Variants in COL14A1 observed in about 807,000 individuals in gnomAD.
COL14A1 encodes collagen type XIV alpha 1 chain.
In COL14A1, 136 loss-of-function variants were observed where a neutral mutation model predicts 230.3. That is an observed-to-expected ratio of 0.59 (90% CI 0.51 to 0.68). The LOEUF is 0.68. COL14A1 is among the 30% of genes least tolerant of loss of function. The probability of loss-of-function intolerance (pLI) is 0.00; values close to 1 mark genes in which losing one functional copy is unlikely to be tolerated. For synonymous variants in COL14A1, 792 were observed against 784.1 expected (o/e 1.01, Z -0.17); for missense variants, 1,976 against 2,215.8 (o/e 0.89, Z 2.17).
chr8:120,327,052 A>G (rs1821698172), intron 40 of COL14A1, among the ~76,000 whole-genome samples: 1 of 152,060 alleles, frequency 6.6e-6, no homozygotes, highest in South Asian at 2.1e-4. Context: ...CAAAAACAAA[A>G]ACCCACCTTT....
chr8:120,310,464 C>T (rs1322835729), intron 37 of COL14A1, among the ~76,000 whole-genome samples: 1 of 152,212 alleles, frequency 6.6e-6, no homozygotes, highest in Non-Finnish European at 1.5e-5. Flanking sequence ...TCCTCCTCCA[C>T]TGCACTATAT....
In COL14A1 at chr8:120,192,394, A is replaced by G. The variant is rs1366009901; in HGVS notation, c.437-4397A>G. ...TGGCCCCCACTCTCTTCTGGCTTGTAGAGTTTCTGCCGAGAGATCCACTGT... is the reference window on the plus strand; with the variant it reads ...TGGCCCCCACTCTCTTCTGGCTTGTGGAGTTTCTGCCGAGAGATCCACTGT... On this transcript the variant is annotated intron_variant, in intron 5 of 47. Coordinates refer to ENST00000297848, the MANE Select transcript of COL14A1 (RefSeq NM_021110.4). Among the ~76,000 whole-genome samples the G allele has an allele frequency of 2.0e-5, 3 of 152,250 alleles. No individual in the cohort carries two copies. The East Asian group carries it at 5.8e-4, about 29-fold the overall frequency.
At chr8:120,211,261 A>T (rs924702904) in intron 12 of COL14A1, among the ~76,000 whole-genome samples, 5 of 152,202 alleles carry the variant, frequency 3.3e-5, no homozygotes, top group Non-Finnish European at 7.3e-5. Flanking sequence ...TTAATAGAGG[A>T]ATGGAAAATA....
At chr8:120,217,653 T>C (rs1168464551) in intron 14 of COL14A1, among the ~76,000 whole-genome samples, 1 of 152,128 alleles carries the variant, frequency 6.6e-6, no homozygotes, top group African/African-American at 2.4e-5. Context: ...ATTAAACCTT[T>C]GTAAATCTTG....
intron 14 of COL14A1, among the ~76,000 whole-genome samples, chr8:120,223,895 A>G (rs1818008650): frequency 6.6e-6 from 1 of 151,960 alleles, no homozygotes; most frequent in South Asian, 2.1e-4. Flanking sequence ...TGGGCCCCAT[A>G]TATGTGGTCT....
At chr8:120,343,908 A>G (rs1192230127) in intron 44 of COL14A1, among the ~76,000 whole-genome samples, 1 of 152,202 alleles carries the variant, frequency 6.6e-6, no homozygotes, top group African/African-American at 2.4e-5. Context: ...ACTATGACTC[A>G]CTGACCACTA....
rs199742496 is a variant in COL14A1 at position 120,280,905 on chromosome 8, T to TC, written c.3686-16_3686-15insC. ...TCCTTATGTTTATTCTTTTTCTACT[T>TC]TTTTTTTTTTTTTAGGATTTAAGAT... On this transcript the variant is annotated splice_polypyrimidine_tract_variant and intron_variant, in intron 30 of 47. Transcript: ENST00000297848. The TC allele has an allele frequency of 0.08, 30,338 of 380,256 alleles. 59 individuals are homozygous for TC. Among genetic ancestry groups the TC allele is most frequent in the Middle Eastern group, 0.12 (142 of 1,224 alleles). The allele number at this position is 380,256 out of a possible 1,614,324, so 23.6% of individuals were successfully genotyped here. A position where few individuals can be genotyped will look rare whatever the true frequency, so the allele number is the denominator to read the frequency against.
intron 5 of COL14A1, among the ~76,000 whole-genome samples, chr8:120,192,189 G>T (rs1412938953): frequency 4.6e-5 from 7 of 152,294 alleles, no homozygotes; most frequent in Admixed American, 4.6e-4. Flanking sequence ...GGTACCGGTT[G>T]TTCCTTTCCA....
intron 26 of COL14A1, 22 bp from the exon 27 acceptor site, chr8:120,278,089 T>C (rs762173323): frequency 6.3e-7 from 1 of 1,582,896 alleles, no homozygotes; most frequent in South Asian, 1.2e-5. Flanking sequence ...TGTGTGAAAA[T>C]GAATACACCT....
rs181432369 is a variant in COL14A1, at chr8:120,286,549, G to A, written c.4077+579G>A. Among the ~76,000 whole-genome samples, 1,059 of 151,918 alleles carry A rather than the reference G, an allele frequency of 7.0e-3. 13 individuals carry two copies. The highest frequency in any genetic ancestry group is 0.024 in the African/African-American group (982 of 41,436). ...TTTTGAGATGGAGTCTTGCTCTGTT[G>A]CCCAGGCTGGAGTGCAGTGGCGCGA... On this transcript the variant is annotated intron_variant, in intron 33 of 47. Coordinates refer to ENST00000297848, the MANE Select transcript of COL14A1 (RefSeq NM_021110.4).
At chr8:120,319,182 G>T (rs1372177947) in intron 40 of COL14A1, among the ~76,000 whole-genome samples, 1 of 151,742 alleles carries the variant, frequency 6.6e-6, no homozygotes, top group Non-Finnish European at 1.5e-5. Context: ...TTAGAGATAA[G>T]GTCTCCCTCT....
chr8:120,336,587 T>G (rs1822079253), intron 42 of COL14A1, among the ~76,000 whole-genome samples: 1 of 152,148 alleles, frequency 6.6e-6, no homozygotes, highest in Non-Finnish European at 1.5e-5. Flanking sequence ...CATCTTTTAG[T>G]GCAACTCCCT....
intron 19 of COL14A1, among the ~76,000 whole-genome samples, chr8:120,240,042 T>C (rs534207426): frequency 1.3e-5 from 2 of 152,228 alleles, no homozygotes; most frequent in South Asian, 4.2e-4. Context: ...TTTCACACTG[T>C]TTATTTTTGA....
At chr8:120,367,295 T>G in intron 46 of COL14A1, 47 bp downstream of exon 46, 2 of 1,485,016 alleles carry the variant, frequency 1.3e-6, no homozygotes, top group Non-Finnish European at 1.9e-6. Context: ...TATTTTTATA[T>G]TCACTTGGCA....
intron 20 of COL14A1, among the ~76,000 whole-genome samples, chr8:120,244,316 A>G (rs566641361): frequency 2.6e-5 from 4 of 151,992 alleles, no homozygotes. Flanking sequence ...TGCATGCCTG[A>G]TCTCTCTTCA....
At chr8:120,367,802 A>C (rs1281890170) in intron 46 of COL14A1, among the ~76,000 whole-genome samples, 1 of 151,834 alleles carries the variant, frequency 6.6e-6, no homozygotes, top group Non-Finnish European at 1.5e-5. Flanking sequence ...AAATTTAACC[A>C]GGCGTGGTGG....
chr8:120,316,070 G>T, intron 40 of COL14A1, 73 bp downstream of exon 40: 1 of 1,494,394 alleles, frequency 6.7e-7, no homozygotes, highest in Non-Finnish European at 9.3e-7. Flanking sequence ...TTGCTGACAG[G>T]CTTCTATGTA....
chr8:120,178,964 A>G (rs1816376610), intron 5 of COL14A1, among the ~76,000 whole-genome samples: 1 of 151,938 alleles, frequency 6.6e-6, no homozygotes, highest in Admixed American at 6.6e-5. Flanking sequence ...GATTCTGGAC[A>G]TTAGCCCTTT....
At chr8:120,212,144 C>T (rs954068995) in intron 12 of COL14A1, among the ~76,000 whole-genome samples, 1 of 152,230 alleles carries the variant, frequency 6.6e-6, no homozygotes, top group Non-Finnish European at 1.5e-5. Context: ...TCCCACCCAC[C>T]TTCTCCTGGG....
Sources: allele counts gnomAD v4.1 joint callset (sites outside exome capture counted in the v4.1 genomes callset), GRCh38; gene constraint gnomAD v4.1.1; transcripts MANE v1.5; gene names NCBI Gene and HGNC (gene_info 2026-07-23, HGNC 2026-07-21).